Variants in ERI3 observed in about 807,000 individuals in gnomAD.
The protein encoded by ERI3 is ERI1 exoribonuclease family member 3.
ERI3 carries 18 observed loss-of-function variants against 44.4 expected under a neutral mutation model. That is an observed-to-expected ratio of 0.41 (90% CI 0.28 to 0.60). The LOEUF is 0.60. Ranked by LOEUF, ERI3 falls within the 20% of genes least tolerant of loss-of-function variation. The pLI is 0.36. For synonymous variants in ERI3, 183 were observed against 164.8 expected (o/e 1.11, Z -0.84); for missense variants, 294 against 435.5 (o/e 0.68, Z 2.89).
At position 44,271,036 on chromosome 1, in the gene ERI3, G is replaced by A. The variant is rs138346689; in HGVS notation, c.831+13799C>T. Among the ~76,000 whole-genome samples the A allele has an allele frequency of 5.5e-3, 832 of 152,270 alleles. 10 individuals are homozygous for A. The highest frequency in any genetic ancestry group is 0.019 in the African/African-American group (783 of 41,548). ...ACTGTCCATAGCTAGTATGCTAAAA[G>A]GTAGGGTGGCCACTTCCCTCCCTGC... On this transcript the variant is annotated intron_variant, in intron 7 of 8. Transcript: ENST00000372257.
At chr1:44,267,216 A>AT (rs1308421681) in intron 7 of ERI3, among the ~76,000 whole-genome samples, 1 of 152,208 alleles carries the variant, frequency 6.6e-6, no homozygotes, top group African/African-American at 2.4e-5. Flanking sequence ...AGGTGGAAAC[A>AT]TAAGCTACAA....
At chr1:44,277,068 C>T (rs1645193294) in intron 7 of ERI3, among the ~76,000 whole-genome samples, 1 of 152,196 alleles carries the variant, frequency 6.6e-6, no homozygotes, top group African/African-American at 2.4e-5. Context: ...CTCTCCCAGC[C>T]CTTCCCTATT....
At chr1:44,298,624 T>G (rs995257386) in intron 6 of ERI3, among the ~76,000 whole-genome samples, 1 of 152,168 alleles carries the variant, frequency 6.6e-6, no homozygotes, top group East Asian at 1.9e-4. Context: ...GCAAAAGAAG[T>G]CAGACACAGG....
At chr1:44,239,717 G>GTT (rs894520179) in intron 8 of ERI3, among the ~76,000 whole-genome samples, 1 of 152,232 alleles carries the variant, frequency 6.6e-6, no homozygotes, top group Non-Finnish European at 1.5e-5. Flanking sequence ...CTGCCACAGC[G>GTT]TTTAATAATA....
chr1:44,262,995 G>A (rs1156876695), intron 7 of ERI3, among the ~76,000 whole-genome samples: 1 of 152,062 alleles, frequency 6.6e-6, no homozygotes, highest in Non-Finnish European at 1.5e-5. Flanking sequence ...ATTTCCACTT[G>A]GGGAAATAAC....
chr1:44,224,139 C>T (rs578047856), intron 8 of ERI3, among the ~76,000 whole-genome samples: 1 of 152,300 alleles, frequency 6.6e-6, no homozygotes, highest in South Asian at 2.1e-4. Context: ...TTCTCTTCTT[C>T]TCTGCCTAAT....
chr1:44,333,711 C>T (rs546076228), intron 3 of ERI3, among the ~76,000 whole-genome samples: 2 of 152,268 alleles, frequency 1.3e-5, no homozygotes, highest in South Asian at 4.1e-4. Flanking sequence ...TAAAGTTTTC[C>T]AAAATGTCTC....
chr1:44,308,229 AG>A (rs1168225779), intron 6 of ERI3, 80 bp downstream of exon 6: 1 of 965,682 alleles, frequency 1.0e-6, no homozygotes, highest in Non-Finnish European at 1.7e-6. Context: ...GCTGCCTTGT[AG>A]ACATTTAAGC....
intron 2 of ERI3, among the ~76,000 whole-genome samples, chr1:44,342,258 C>T (rs1023454635): frequency 5.3e-5 from 8 of 152,100 alleles, no homozygotes; most frequent in Admixed American, 5.2e-4. Flanking sequence ...GGAGAGCATC[C>T]ATGTCGGCTG....
chr1:44,351,755 T>A (rs1051814042), intron 2 of ERI3, among the ~76,000 whole-genome samples: 4 of 152,214 alleles, frequency 2.6e-5, no homozygotes, highest in African/African-American at 9.7e-5. Flanking sequence ...GACCACTAAG[T>A]ACTCTGTTTC....
rs1001342772 is a variant in ERI3, at chr1:44,350,231, C to T, written c.211+2619G>A. The stretch of plus-strand genomic sequence containing the variant: ...CTTCCAGGGCTCCGTTTATTCCATA[C>T]TTCATTAAAATATAGTTTCCAAAGG... On this transcript the variant is annotated intron_variant, in intron 2 of 8. Coordinates refer to ENST00000372257, the MANE Select transcript of ERI3 (RefSeq NM_024066.3). 9.9e-5 allele frequency among the ~76,000 whole-genome samples: 15 copies of T among 151,982 alleles called. No homozygotes were observed. In the East Asian group the frequency reaches 2.9e-3, roughly 29 times the overall value.
rs555593422 is a variant in ERI3, at chr1:44,226,677, T to C, written c.932-5037A>G. Among the ~76,000 whole-genome samples the C allele has an allele frequency of 3.3e-5, 5 of 151,958 alleles. No individual in the cohort carries two copies. The South Asian group carries it at 1.0e-3, about 32-fold the overall frequency. The stretch of plus-strand genomic sequence containing the variant: ...AAGGCATACCAGGGAAGGTGCAAAT[T>C]TGGATGAGTTAAGTCATATTCCTAT... On this transcript the variant is annotated intron_variant, in intron 8 of 8. Transcript: ENST00000372257.
At chr1:44,333,186 G>A (rs1646466542) in intron 3 of ERI3, among the ~76,000 whole-genome samples, 1 of 152,176 alleles carries the variant, frequency 6.6e-6, no homozygotes, top group African/African-American at 2.4e-5. Flanking sequence ...TACTACACAC[G>A]CCAGATGAGG....
intron 2 of ERI3, among the ~76,000 whole-genome samples, chr1:44,342,815 ATATATAT>A (rs1646684193): frequency 2.2e-4 from 2 of 9,070 alleles, no homozygotes; most frequent in African/African-American, 6.4e-4. Flanking sequence ...TCCAGCTAAT[ATATATAT>A]ATATATATAT....
chr1:44,277,430 C>G (rs1188387896), intron 7 of ERI3, among the ~76,000 whole-genome samples: 1 of 152,170 alleles, frequency 6.6e-6, no homozygotes, highest in Admixed American at 6.5e-5. Context: ...CTTGCCCCAC[C>G]ACAGCTCTTG....
At chr1:44,307,162 G>A (rs1167902468) in intron 6 of ERI3, among the ~76,000 whole-genome samples, 1 of 152,174 alleles carries the variant, frequency 6.6e-6, no homozygotes, top group Non-Finnish European at 1.5e-5. Flanking sequence ...GGGTGTGGGA[G>A]ATGAGGTCTC....
chr1:44,342,830 TATATATATATATATATATATATATATA>T lies in ERI3; in HGVS notation c.212-3535_212-3509del, dbSNP rs1165531899. 9.9e-3 allele frequency among the ~76,000 whole-genome samples: 276 copies of T among 27,850 alleles called. 7 individuals carry two copies. Among genetic ancestry groups the T allele is most frequent in the Non-Finnish European group, 0.014 (228 of 16,184 alleles). 18.3% of individuals were successfully genotyped at this position (27,850 alleles called of 152,430 possible). On this transcript the variant is annotated intron_variant, in intron 2 of 8. Transcript: ENST00000372257. ...TCCAGCTAATATATATATATATATA[TATATATATATATATATATATATATATA>T]TTTTTTTTTTTTTTTTTTTTTTTTT...
chr1:44,263,320 G>A (rs1204859658), intron 7 of ERI3, among the ~76,000 whole-genome samples: 1 of 152,214 alleles, frequency 6.6e-6, no homozygotes, highest in Non-Finnish European at 1.5e-5. Context: ...TCTCAGTGAA[G>A]GGGAACTGTC....
rs1646226799 is a variant in ERI3 at position 44,322,628 on chromosome 1, T to C, written c.490-2884A>G. The C allele has an allele frequency of 2.1e-6, 3 of 1,405,028 alleles. 1 individual carries two copies. The highest frequency in any genetic ancestry group is 2.9e-5 in the African/African-American group (2 of 69,042). The allele number at this position is 1,405,028 out of a possible 1,614,324, so 87.0% of individuals were successfully genotyped here. ...TTAACAATGAGCCTACACACTGGCATATTCACTTGAGCTACTGAGGATGCA... is the reference window on the plus strand; with the variant it reads ...TTAACAATGAGCCTACACACTGGCACATTCACTTGAGCTACTGAGGATGCA... On this transcript the variant is annotated intron_variant, in intron 3 of 8. Transcript: ENST00000372257.
Sources: gnomAD v4.1 joint callset for allele counts (sites outside exome capture counted in the v4.1 genomes callset) on GRCh38, gnomAD v4.1.1 for gene constraint, MANE v1.5 for transcripts, NCBI Gene and HGNC (gene_info 2026-07-23, HGNC 2026-07-21) for gene names.